The following CNTN6 variants were observed in gnomAD, a reference collection of about 807,000 sequenced individuals.
CNTN6 encodes the protein contactin-6.
In CNTN6, 137 loss-of-function variants were observed where a neutral mutation model predicts 122.8. The ratio of observed to expected loss-of-function variants is 1.12; its 90% CI spans 0.97 to 1.29. The LOEUF is 1.29. CNTN6 is among the 50% of genes most tolerant of loss of function. The probability of loss-of-function intolerance (pLI) is 0.00; values close to 1 mark genes in which losing one functional copy is unlikely to be tolerated. For missense variants in CNTN6, 1,634 were observed against 1,223.4 expected, an observed-to-expected ratio of 1.34 and a Z score of -5.01; for synonymous variants, 570 against 426.0, an observed-to-expected ratio of 1.34 and a Z score of -4.16.
At chr3:1,392,714 A>AAAAC (rs1157579303) in intron 20 of CNTN6, among the ~76,000 whole-genome samples, 1 of 143,502 alleles carries the variant, frequency 7.0e-6, no homozygotes, top group South Asian at 2.4e-4. Context: ...TTACAAGAAA[A>AAAAC]AAACAAACAA....
intron 1 of CNTN6, among the ~76,000 whole-genome samples, chr3:1,146,685 C>A (rs1048517661): frequency 1.3e-5 from 2 of 151,964 alleles, no homozygotes; most frequent in African/African-American, 4.8e-5. Context: ...GGATTTTAGG[C>A]TCACCATTAA....
In CNTN6 at chr3:1,245,300, ATAT is replaced by A. The variant is rs2094561780; in HGVS notation, c.358+17308_358+17310del. Among the ~76,000 whole-genome samples the A allele has an allele frequency of 1.4e-3, 8 of 5,698 alleles. 1 individual carries two copies. The highest frequency in any genetic ancestry group is 5.7e-3 in the African/African-American group (7 of 1,234). The allele number at this position is 5,698 out of a possible 152,430, so 3.7% of individuals were successfully genotyped here. The stretch of plus-strand genomic sequence containing the variant: ...ACACACACATATATATATAACATAT[ATAT>A]ATATATATATATATATATATATATA... On this transcript the variant is annotated intron_variant, in intron 4 of 22. Coordinates refer to ENST00000446702, the MANE Select transcript of CNTN6 (RefSeq NM_001289080.2).
At chr3:1,306,770 T>C (rs1034625035) in intron 7 of CNTN6, among the ~76,000 whole-genome samples, 1 of 152,172 alleles carries the variant, frequency 6.6e-6, no homozygotes, top group African/African-American at 2.4e-5. Flanking sequence ...TCCTGGGAAT[T>C]GTCAAAGCTG....
At chr3:1,157,224 T>A (rs75215004) in intron 2 of CNTN6, among the ~76,000 whole-genome samples, 45,094 of 143,470 alleles carry the variant, frequency 0.31, 7,233 homozygotes, top group South Asian at 0.43. Context: ...TTATTTAATT[T>A]ATTTATTTAT....
intron 7 of CNTN6, among the ~76,000 whole-genome samples, chr3:1,300,222 G>T (rs1198062512): frequency 6.6e-6 from 1 of 152,052 alleles, no homozygotes; most frequent in Non-Finnish European, 1.5e-5. Context: ...TGCTGACCTC[G>T]TGATCCGCCC....
chr3:1,386,548 C>T (rs17038497), intron 20 of CNTN6, among the ~76,000 whole-genome samples: 4,977 of 152,152 alleles, frequency 0.033, 116 homozygotes, highest in South Asian at 0.055. Context: ...TTCCATAATA[C>T]GAGGCACAGC....
intron 7 of CNTN6, among the ~76,000 whole-genome samples, chr3:1,302,125 T>C (rs1697537877): frequency 6.6e-6 from 1 of 152,326 alleles, no homozygotes; most frequent in Non-Finnish European, 1.5e-5. Context: ...ATCTTCAAAA[T>C]TATAAATCTG....
At position 1,256,883 on chromosome 3, in the gene CNTN6, C is replaced by T. The variant is rs575966633; in HGVS notation, c.359-21530C>T. Among the ~76,000 whole-genome samples the T allele has an allele frequency of 2.6e-5, 4 of 152,070 alleles. No homozygotes were observed. In the South Asian group the frequency reaches 8.3e-4, roughly 32 times the overall value. On this transcript the variant is annotated intron_variant, in intron 4 of 22. Coordinates refer to ENST00000446702, the MANE Select transcript of CNTN6 (RefSeq NM_001289080.2). ...TCTTTACTCATTTGCCAATTATATC[C>T]GAACAGTAGATACTGGGAAGTTGAA...
intron 1 of CNTN6, among the ~76,000 whole-genome samples, chr3:1,103,190 C>T (rs553035443): frequency 2.0e-5 from 3 of 152,248 alleles, no homozygotes; most frequent in East Asian, 3.9e-4. Flanking sequence ...TGATAGAACA[C>T]ACTTGTTTAA....
At chr3:1,180,130 T>C (rs1417818076) in intron 2 of CNTN6, among the ~76,000 whole-genome samples, 5 of 151,980 alleles carry the variant, frequency 3.3e-5, no homozygotes, top group Non-Finnish European at 7.4e-5. Flanking sequence ...CAAGCAAAAG[T>C]TGGAGGTCTC....
intron 7 of CNTN6, among the ~76,000 whole-genome samples, chr3:1,311,365 A>C (rs1251720363): frequency 7.8e-6 from 1 of 128,442 alleles, no homozygotes; most frequent in Non-Finnish European, 1.6e-5. Flanking sequence ...ATGTACATAT[A>C]TGTACATATA....
At chr3:1,310,340 T>A (rs1575646937) in intron 7 of CNTN6, among the ~76,000 whole-genome samples, 1 of 152,160 alleles carries the variant, frequency 6.6e-6, no homozygotes, top group African/African-American at 2.4e-5. Flanking sequence ...AGGTGTTGCA[T>A]TTTTCCAAAT....
intron 5 of CNTN6, among the ~76,000 whole-genome samples, chr3:1,281,488 G>A (rs962904299): frequency 6.9e-6 from 1 of 145,688 alleles, no homozygotes; most frequent in Non-Finnish European, 1.5e-5. Context: ...TTTTTGAGAC[G>A]GAGTCTCCTT....
intron 2 of CNTN6, among the ~76,000 whole-genome samples, chr3:1,151,030 T>A (rs2092830469): frequency 6.6e-6 from 1 of 152,122 alleles, no homozygotes; most frequent in African/African-American, 2.4e-5. Flanking sequence ...CCTCTATCTG[T>A]GGACTGAGCA....
chr3:1,296,572 C>G lies in CNTN6; in HGVS notation c.658+768C>G, dbSNP rs182146039. Among the ~76,000 whole-genome samples, 50 of 152,124 alleles carry G rather than the reference C, an allele frequency of 3.3e-4. No homozygotes were observed. In the East Asian group the frequency reaches 9.5e-3, roughly 29 times the overall value. On this transcript the variant is annotated intron_variant, in intron 6 of 22. Transcript: ENST00000446702. Reference sequence around the variant, plus strand: ...GTATTCAGGACTTGAAATGCAATACCTCGTGGAGTTTTTCTCCCCTCTGAA... The same window carrying G: ...GTATTCAGGACTTGAAATGCAATACGTCGTGGAGTTTTTCTCCCCTCTGAA...
intron 1 of CNTN6, among the ~76,000 whole-genome samples, chr3:1,115,821 A>G (rs1243404241): frequency 6.6e-6 from 1 of 152,184 alleles, no homozygotes; most frequent in African/African-American, 2.4e-5. Context: ...AGGACGTTTC[A>G]GTTATGATAG....
chr3:1,314,286 A>G (rs1033720879), intron 7 of CNTN6, among the ~76,000 whole-genome samples: 1 of 152,082 alleles, frequency 6.6e-6, no homozygotes, highest in Non-Finnish European at 1.5e-5. Flanking sequence ...TAGCAAAGGC[A>G]TTCTTTGCTG....
At chr3:1,319,848 T>TAAAATAAAATAAAA (rs1700603478) in intron 7 of CNTN6, among the ~76,000 whole-genome samples, 1 of 149,046 alleles carries the variant, frequency 6.7e-6, no homozygotes, top group Non-Finnish European at 1.5e-5. Context: ...TAAAATAAAA[T>TAAAATAAAATAAAA]AAAATAAAAT....
At chr3:1,271,427 T>A (rs1361574771) in intron 4 of CNTN6, among the ~76,000 whole-genome samples, 3 of 152,106 alleles carry the variant, frequency 2.0e-5, no homozygotes, top group African/African-American at 7.2e-5. Context: ...ATACCCAATA[T>A]TTCATTCTAA....
Sources: allele counts gnomAD v4.1 joint callset (sites outside exome capture counted in the v4.1 genomes callset), GRCh38; gene constraint gnomAD v4.1.1; transcripts MANE v1.5; gene names NCBI Gene and HGNC (gene_info 2026-07-23, HGNC 2026-07-21).